The following PCDH15 variants were observed in gnomAD, a reference collection of about 807,000 sequenced individuals.
PCDH15 encodes the protein protocadherin related 15.
In PCDH15, 129 loss-of-function variants were observed where a neutral mutation model predicts 178.5. The observed-to-expected ratio is 0.72, with a 90% CI of 0.63 to 0.84. The LOEUF (loss-of-function observed/expected upper bound fraction) is 0.84, where lower values mean the gene tolerates loss of function less well. Ranked by LOEUF, PCDH15 falls within the 40% of genes least tolerant of loss-of-function variation. The pLI is 0.00. For synonymous variants in PCDH15, 800 were observed against 732.0 expected (o/e 1.09, Z -1.50); for missense variants, 2,230 against 2,099.9 (o/e 1.06, Z -1.21).
chr10:55,030,710 T>G (rs995898515), intron 2 of PCDH15, among the ~76,000 whole-genome samples: 1 of 152,118 alleles, frequency 6.6e-6, no homozygotes, highest in Non-Finnish European at 1.5e-5. Flanking sequence ...AATCACAAAT[T>G]GTCATAGGCA....
intron 2 of PCDH15, among the ~76,000 whole-genome samples, chr10:54,635,162 T>TATAAATAA (rs67991291): frequency 0.028 from 4,062 of 145,398 alleles, 120 homozygotes; most frequent in African/African-American, 0.073. Flanking sequence ...AATAGTCTCC[T>TATAAATAA]ATAAATAAAT....
Position 54,961,681 on chromosome 10 carries a change from C to A in PCDH15, c.-79-64181G>T, listed in dbSNP as rs1838659019. Among the ~76,000 whole-genome samples the A allele has an allele frequency of 2.6e-5, 4 of 152,322 alleles. No homozygotes were observed. The South Asian group carries it at 6.2e-4, about 24-fold the overall frequency. On this transcript the variant is annotated intron_variant, in intron 2 of 5. Transcript: ENST00000458638. ...CGGGATTCCTCTACAATCTTCCAGA[C>A]AACTGCCTGCAGTTAGAAGCTACCC...
chr10:55,588,362 G>A (rs912311606), intron 2 of PCDH15, among the ~76,000 whole-genome samples: 8 of 152,128 alleles, frequency 5.3e-5, no homozygotes, highest in African/African-American at 1.9e-4. Flanking sequence ...GTTCAAAGCT[G>A]ACATTAATTC....
chr10:54,942,262 C>A (rs1014193916), intron 2 of PCDH15, among the ~76,000 whole-genome samples: 7 of 152,146 alleles, frequency 4.6e-5, no homozygotes, highest in South Asian at 4.1e-4. Flanking sequence ...TTAGGAACCA[C>A]AGATATGCTT....
rs903375252 is a variant in PCDH15, at chr10:53,806,560, A to C, written c.*19T>G. On this transcript the variant is annotated 3_prime_UTR_variant, in exon 38 of 38. Transcript: ENST00000644397. ...AAAATGTAAGTAAAAATTAATTAAA[A>C]TATCTTTTAAAAAATTGGTCACAGT... 4 of 1,536,288 alleles carry C rather than the reference A, an allele frequency of 2.6e-6. No homozygotes were observed. The African/African-American group carries it at 4.2e-5, about 16-fold the overall frequency.
rs573305824 is a variant in PCDH15 at position 54,752,533 on chromosome 10, A to C, written c.-29+48392T>G. ...AAAAACAAACAAACAAACAAACAAA[A>C]AAAAACAATAAAACAATTTTCCTAT... On this transcript the variant is annotated intron_variant, in intron 1 of 37. Coordinates refer to ENST00000644397, the MANE Select transcript of PCDH15 (RefSeq NM_001384140.1). 1.0e-3 allele frequency among the ~76,000 whole-genome samples: 150 copies of C among 148,612 alleles called. 8 individuals carry two copies. Among genetic ancestry groups the C allele is most frequent in the African/African-American group, 3.3e-3 (134 of 40,640 alleles).
chr10:55,022,249 T>C (rs1049525901), intron 2 of PCDH15, among the ~76,000 whole-genome samples: 1 of 151,868 alleles, frequency 6.6e-6, no homozygotes. Flanking sequence ...GATCAGGAGT[T>C]CAAGACCAGC....
rs1291353429 is a variant in PCDH15 at position 54,945,343 on chromosome 10, TA to T, written c.-79-47844del. On this transcript the variant is annotated intron_variant, in intron 2 of 5. Coordinates refer to the PCDH15 transcript ENST00000458638. The stretch of plus-strand genomic sequence containing the variant: ...ATGTATGGATAGATAGATAGATAGA[TA>T]GATAGATGATAGATAGATATATAGA... Among the ~76,000 whole-genome samples the T allele has an allele frequency of 2.4e-3, 311 of 128,474 alleles. 5 individuals are homozygous for T. The East Asian group carries it at 0.035, about 15-fold the overall frequency. 84.3% of individuals were successfully genotyped at this position (128,474 alleles called of 152,430 possible).
chr10:53,812,357 G>A (rs1310712042), intron 35 of PCDH15, among the ~76,000 whole-genome samples: 9 of 150,352 alleles, frequency 6.0e-5, no homozygotes, highest in East Asian at 2.1e-4. Context: ...ACAGGCGCCC[G>A]CCACCACGCC....
chr10:55,370,328 T>C (rs568370791), intron 2 of PCDH15, among the ~76,000 whole-genome samples: 3 of 152,262 alleles, frequency 2.0e-5, no homozygotes, highest in African/African-American at 7.2e-5. Flanking sequence ...ACTTGTGTGA[T>C]TGCTAAAGAC....
intron 2 of PCDH15, among the ~76,000 whole-genome samples, chr10:55,384,589 T>G (rs1169469791): frequency 6.6e-6 from 1 of 152,138 alleles, no homozygotes; most frequent in Non-Finnish European, 1.5e-5. Context: ...TCTTCTTTCT[T>G]TCTTTGATTC....
chr10:54,935,757 G>A (rs1837888490), intron 2 of PCDH15, among the ~76,000 whole-genome samples: 1 of 151,724 alleles, frequency 6.6e-6, no homozygotes, highest in Non-Finnish European at 1.5e-5. Context: ...TATTGCCTCT[G>A]AATTTTTTTA....
At chr10:54,343,267 C>T (rs902033218) in intron 6 of PCDH15, among the ~76,000 whole-genome samples, 5 of 151,852 alleles carry the variant, frequency 3.3e-5, no homozygotes, top group African/African-American at 1.2e-4. Flanking sequence ...GCAGTTTTCC[C>T]CCTGCTGTTT....
At chr10:55,479,341 G>A (rs952211012) in intron 2 of PCDH15, among the ~76,000 whole-genome samples, 2 of 151,484 alleles carry the variant, frequency 1.3e-5, no homozygotes, top group East Asian at 3.9e-4. Flanking sequence ...TTCAACATAT[G>A]CAAATCAATA....
At position 54,417,321 on chromosome 10, in the gene PCDH15, C is replaced by G. The variant is rs1423845436; in HGVS notation, c.158-38379G>C. ...TCCAAATTGGAATTTTTTTTAAATA[C>G]TGGGACTTTTCTCTCACAGAAGAGG... On this transcript the variant is annotated intron_variant, in intron 3 of 37. Coordinates refer to ENST00000644397, the MANE Select transcript of PCDH15 (RefSeq NM_001384140.1). Among the ~76,000 whole-genome samples the G allele has an allele frequency of 2.0e-5, 3 of 152,010 alleles. No individual in the cohort carries two copies. In the East Asian group the frequency reaches 5.8e-4, roughly 29 times the overall value.
intron 3 of PCDH15, among the ~76,000 whole-genome samples, chr10:54,402,624 C>T (rs915274114): frequency 2.6e-5 from 4 of 151,830 alleles, no homozygotes; most frequent in Non-Finnish European, 5.9e-5. Flanking sequence ...GTAATTCATG[C>T]AATATTTCAA....
rs1159164665 is a variant in PCDH15 at position 55,606,968 on chromosome 10, A to C, written c.-156+20657T>G. Among the ~76,000 whole-genome samples, 424 of 150,428 alleles carry C rather than the reference A, an allele frequency of 2.8e-3. 5 individuals carry two copies. Among genetic ancestry groups the C allele is most frequent in the South Asian group, 0.018 (84 of 4,732 alleles). On this transcript the variant is annotated intron_variant, in intron 2 of 5. Coordinates refer to the PCDH15 transcript ENST00000613346. ...CATCAGAGTGAACAGGCAACCTACA[A>C]AATGGGAGAAAATTTTCACAACCTA...
In PCDH15 at chr10:53,820,201, C is replaced by T. The variant is rs190552707; in HGVS notation, c.4397G>A (p.Cys1466Tyr). 1.5e-5 allele frequency: 6 copies of T among 397,746 alleles called. No individual in the cohort carries two copies. Among genetic ancestry groups the T allele is most frequent in the Admixed American group, 1.3e-4 (3 of 22,670 alleles). 24.6% of individuals were successfully genotyped at this position (397,746 alleles called of 1,614,324 possible). ...IWSFCWQLVI[C>Y]MRTCAIWRTL... ...CCGCCAAATAGCACAAGTTCTCATG[C>T]ATATGACCAGCTGCCAACAAAAACT... The change falls in exon 33 of 38, where the codon TGC (cysteine) becomes TAC (tyrosine). Residue 1466 changes from cysteine (C) to tyrosine (Y), a missense_variant. Transcript: ENST00000644397.
chr10:55,012,721 T>C (rs1840076654), intron 2 of PCDH15, among the ~76,000 whole-genome samples: 1 of 152,152 alleles, frequency 6.6e-6, no homozygotes, highest in Non-Finnish European at 1.5e-5. Context: ...TCTAAATTTC[T>C]GACTCCTTTG....
Sources: allele counts gnomAD v4.1 joint callset (sites outside exome capture counted in the v4.1 genomes callset), GRCh38; gene constraint gnomAD v4.1.1; transcripts MANE v1.5; gene names NCBI Gene and HGNC (gene_info 2026-07-23, HGNC 2026-07-21).